SLC39A11: variants seen among roughly 807,000 people sequenced by gnomAD.
The protein encoded by SLC39A11 is solute carrier family 39 member 11.
SLC39A11 carries 33 observed loss-of-function variants against 36.1 expected under a neutral mutation model. The ratio of observed to expected loss-of-function variants is 0.91; its 90% confidence interval spans 0.69 to 1.22. The LOEUF is 1.22. Among genes scored for constraint, SLC39A11 ranks in the 50% most tolerant of loss-of-function variants. The pLI, the probability that SLC39A11 is intolerant of heterozygous loss-of-function variation, is 0.00. For missense variants in SLC39A11, 432 were observed against 430.3 expected (o/e 1.00, Z -0.03); for synonymous variants, 166 against 170.3 (o/e 0.97, Z 0.20).
At chr17:72,872,376 C>T (rs1472427009) in intron 5 of SLC39A11, among the ~76,000 whole-genome samples, 3 of 152,170 alleles carry the variant, frequency 2.0e-5, no homozygotes, top group Non-Finnish European at 4.4e-5. Flanking sequence ...AACCACCCAA[C>T]TCTGCCAGAT....
intron 6 of SLC39A11, among the ~76,000 whole-genome samples, chr17:72,774,171 G>A (rs999656895): frequency 6.6e-6 from 1 of 152,184 alleles, no homozygotes; most frequent in Non-Finnish European, 1.5e-5. Flanking sequence ...CGTGAATAAT[G>A]GTGTGCTGGT....
At chr17:72,669,003 A>T (rs1203543674) in intron 7 of SLC39A11, among the ~76,000 whole-genome samples, 2 of 152,218 alleles carry the variant, frequency 1.3e-5, no homozygotes, top group Non-Finnish European at 2.9e-5. Flanking sequence ...AAACAATAGC[A>T]ACAACTAACC....
In SLC39A11 at chr17:73,042,946, AAC is replaced by A. The variant is rs556191327; in HGVS notation, c.148-11234_148-11233del. ...CCTAAGCAGAGACTGTTACACGGCC[AAC>A]ACTCTGCCAGACCCCAGGGGGTTGC... On this transcript the variant is annotated intron_variant, in intron 3 of 9. Transcript: ENST00000255559. 2.3e-3 allele frequency among the ~76,000 whole-genome samples: 348 copies of A among 152,330 alleles called. 1 individual carries two copies. Among genetic ancestry groups the A allele is most frequent in the Non-Finnish European group, 3.3e-3 (223 of 68,026 alleles).
intron 5 of SLC39A11, among the ~76,000 whole-genome samples, chr17:72,859,999 G>C (rs1326129605): frequency 7.8e-5 from 6 of 77,066 alleles, no homozygotes; most frequent in Non-Finnish European, 1.3e-4. Flanking sequence ...AAAGAAAAGA[G>C]ACTAGACGAG....
chr17:72,929,914 C>T (rs775674146), intron 5 of SLC39A11, among the ~76,000 whole-genome samples: 6 of 152,172 alleles, frequency 3.9e-5, no homozygotes, highest in Non-Finnish European at 7.4e-5. Flanking sequence ...TGTTTGTCTG[C>T]CTCAATGTAC....
intron 7 of SLC39A11, among the ~76,000 whole-genome samples, chr17:72,691,504 G>T (rs186633341): frequency 3.9e-5 from 6 of 152,332 alleles, no homozygotes; most frequent in Admixed American, 3.9e-4. Flanking sequence ...CTTTGTGCCA[G>T]AAATGTAAGA....
At chr17:72,847,062 T>C (rs7220882) in intron 6 of SLC39A11, among the ~76,000 whole-genome samples, 1,714 of 152,176 alleles carry the variant, frequency 0.011, 28 homozygotes, top group African/African-American at 0.038. Flanking sequence ...GTGAGGTCCA[T>C]ATAAGACCCC....
intron 1 of SLC39A11, chr17:73,091,917 C>G (rs1162543460): frequency 1.3e-5 from 2 of 152,238 alleles, no homozygotes; most frequent in Non-Finnish European, 2.9e-5. Context: ...TGTTCCGCTT[C>G]CAAGAGTCAG....
At position 73,031,704 on chromosome 17, in the gene SLC39A11, G is replaced by A. The variant is rs1043654361; in HGVS notation, c.158C>T (p.Ala53Val). The change falls in exon 4 of 10, where the codon GCA (alanine) becomes GTA (valine). Residue 53 changes from alanine (A) to valine (V), a missense_variant. Physicochemically the swap from Ala to Val is moderately conservative, Grantham distance 64 (BLOSUM62 0). Transcript: ENST00000255559. ...SLGFAAGVMLAASYWSLLAPA... is the reference protein window; with the variant it reads ...SLGFAAGVMLVASYWSLLAPA... Reference sequence around the variant, plus strand: ...GGCCAGAAGAGACCAATAGGAAGCTGCCAACATGACCTACAAAAACCACAA... The same window carrying A: ...GGCCAGAAGAGACCAATAGGAAGCTACCAACATGACCTACAAAAACCACAA... 14 of 1,613,440 alleles carry A rather than the reference G, an allele frequency of 8.7e-6. No homozygotes were observed. The African/African-American group carries it at 1.5e-4, about 17-fold the overall frequency.
At chr17:73,002,127 G>A (rs1055782644) in intron 4 of SLC39A11, among the ~76,000 whole-genome samples, 2 of 152,030 alleles carry the variant, frequency 1.3e-5, no homozygotes, top group Admixed American at 6.5e-5. Flanking sequence ...ACCATTACTT[G>A]AGGTATCACT....
chr17:72,960,919 C>A (rs1254061096), intron 4 of SLC39A11, among the ~76,000 whole-genome samples: 1 of 152,150 alleles, frequency 6.6e-6, no homozygotes, highest in Non-Finnish European at 1.5e-5. Context: ...GAAAAGAGAT[C>A]TTTATCTCAG....
intron 7 of SLC39A11, among the ~76,000 whole-genome samples, chr17:72,688,107 C>T (rs4567770): frequency 0.71 from 107,273 of 152,072 alleles, 38,041 homozygotes; most frequent in East Asian, 0.76. Flanking sequence ...TTAACGACTA[C>T]GAACTTCAGG....
In SLC39A11 at chr17:73,078,163, G is replaced by A. The variant is rs566800228; in HGVS notation, c.147+6645C>T. On this transcript the variant is annotated intron_variant, in intron 3 of 9. Transcript: ENST00000255559. ...TGAGGCAGGAGAATGGCATGAACCC[G>A]GGAGGCGGAGGTTGTAGTGAGCCAA... Among the ~76,000 whole-genome samples, 4 of 151,670 alleles carry A rather than the reference G, an allele frequency of 2.6e-5. No homozygotes were observed. In the South Asian group the frequency reaches 6.3e-4, roughly 24 times the overall value.
chr17:72,865,414 A>AT, intron 5 of SLC39A11, among the ~76,000 whole-genome samples: 1 of 151,580 alleles, frequency 6.6e-6, no homozygotes, highest in African/African-American at 2.4e-5. Context: ...ACTGCTCGAA[A>AT]AAAAAAAAAA....
intron 5 of SLC39A11, among the ~76,000 whole-genome samples, chr17:72,893,657 G>T (rs944883131): frequency 6.6e-6 from 1 of 152,028 alleles, no homozygotes; most frequent in African/African-American, 2.4e-5. Context: ...GTTAGGGAGG[G>T]CCTTAATTTG....
chr17:72,667,743 C>T (rs1168639392), intron 7 of SLC39A11, among the ~76,000 whole-genome samples: 1 of 152,238 alleles, frequency 6.6e-6, no homozygotes, highest in African/African-American at 2.4e-5. Flanking sequence ...ACCAGCACTG[C>T]TTACTAAGCC....
chr17:72,915,716 A>T (rs1436956819), intron 5 of SLC39A11, among the ~76,000 whole-genome samples: 1 of 152,190 alleles, frequency 6.6e-6, no homozygotes. Context: ...GTCTGACAAT[A>T]ACCACAAACC....
At chr17:73,037,422 C>T (rs1255409860) in intron 3 of SLC39A11, among the ~76,000 whole-genome samples, 4 of 152,234 alleles carry the variant, frequency 2.6e-5, no homozygotes, top group Non-Finnish European at 5.9e-5. Context: ...AGCAGGGTAT[C>T]TGATTACCTC....
At chr17:72,827,733 C>G (rs2078092172) in intron 6 of SLC39A11, among the ~76,000 whole-genome samples, 1 of 152,208 alleles carries the variant, frequency 6.6e-6, no homozygotes, top group African/African-American at 2.4e-5. Context: ...GAAGGAATAA[C>G]TGTCTTTAAA....
Sources: allele counts gnomAD v4.1 joint callset (sites outside exome capture counted in the v4.1 genomes callset), GRCh38; gene constraint gnomAD v4.1.1; transcripts MANE v1.5; gene names NCBI Gene and HGNC (gene_info 2026-07-23, HGNC 2026-07-21).